CCDC152: variants seen among roughly 807,000 people sequenced by gnomAD.
CCDC152 encodes the protein coiled-coil domain containing 152.
In CCDC152, 37 loss-of-function variants were observed where a neutral mutation model predicts 38.1. The ratio of observed to expected loss-of-function variants is 0.97; its 90% CI spans 0.75 to 1.28. The LOEUF is 1.28. Among genes scored for constraint, CCDC152 ranks in the 50% most tolerant of loss-of-function variants. The probability of loss-of-function intolerance (pLI) is 0.00; values close to 1 mark genes in which losing one functional copy is unlikely to be tolerated. For synonymous variants in CCDC152, 83 were observed against 87.1 expected (o/e 0.95, Z 0.26); for missense variants, 259 against 292.1 (o/e 0.89, Z 0.83).
chr5:42,788,225 T>C (rs939873959), intron 6 of CCDC152, among the ~76,000 whole-genome samples: 10 of 151,978 alleles, frequency 6.6e-5, no homozygotes, highest in Non-Finnish European at 1.5e-4. Context: ...ATGGCATTTT[T>C]TTTTTTCTTT....
At chr5:42,772,447 C>G (rs138840608) in intron 4 of CCDC152, among the ~76,000 whole-genome samples, 2,979 of 152,056 alleles carry the variant, frequency 0.02, 34 homozygotes, top group Middle Eastern at 0.061. Context: ...CGCCTGTAAT[C>G]CATATCCTGG....
At chr5:42,778,255 C>T (rs1759793887) in intron 4 of CCDC152, among the ~76,000 whole-genome samples, 1 of 152,138 alleles carries the variant, frequency 6.6e-6, no homozygotes, top group Non-Finnish European at 1.5e-5. Context: ...CATATATTTG[C>T]TACAACCACC....
At chr5:42,795,227 G>T (rs912638551) in intron 6 of CCDC152, among the ~76,000 whole-genome samples, 1 of 152,140 alleles carries the variant, frequency 6.6e-6, no homozygotes, top group African/African-American at 2.4e-5. Flanking sequence ...CATGCAAATA[G>T]TAGCCAACAT....
intron 3 of CCDC152, among the ~76,000 whole-genome samples, chr5:42,767,581 A>C (rs921033641): frequency 1.3e-5 from 2 of 152,174 alleles, no homozygotes; most frequent in African/African-American, 2.4e-5. Flanking sequence ...ACAACAACAA[A>C]CAGTGTGGAT....
intron 6 of CCDC152, among the ~76,000 whole-genome samples, chr5:42,795,439 T>G (rs537165986): frequency 9.8e-5 from 15 of 152,330 alleles, no homozygotes; most frequent in African/African-American, 3.6e-4. Context: ...TGAGAGACTT[T>G]AATTCACCTT....
Position 42,799,692 on chromosome 5 carries a change from G to A in CCDC152, c.676G>A (p.Glu226Lys). ...LQHFQEEKNK[E>K]IAILRNTIRD... ...GCATTTTCAAGAAGAAAAAAACAAG[G>A]AGATTGCAATTCTTCGTAATACCAT... is the stretch of plus-strand genomic sequence containing the variant. Residue 226 changes from glutamate (E) to lysine (K), a missense_variant, in exon 9 of 9, where the codon GAG (glutamate) becomes AAG (lysine). By Grantham distance (56) the Glu-to-Lys change is moderately conservative. Transcript: ENST00000361970. The A allele has an allele frequency of 6.5e-7, 1 of 1,548,206 alleles. No individual in the cohort carries two copies. The highest frequency in any genetic ancestry group is 1.7e-4 in the Middle Eastern group (1 of 5,980).
chr5:42,791,187 T>G (rs1759995387), intron 6 of CCDC152, among the ~76,000 whole-genome samples: 1 of 152,200 alleles, frequency 6.6e-6, no homozygotes, highest in African/African-American at 2.4e-5. Context: ...ATTTTTTATT[T>G]TTTTAAATTG....
At position 42,759,128 on chromosome 5, in the gene CCDC152, C is replaced by A. The variant is rs201689715; in HGVS notation, c.7C>A (p.Gln3Lys). 453 of 1,548,410 alleles carry A rather than the reference C, an allele frequency of 2.9e-4. 1 individual carries two copies. The highest frequency in any genetic ancestry group is 3.7e-4 in the Non-Finnish European group (423 of 1,144,534). MD[Q>K]SSEGCMKKIS... ...CTGTTTACTACTTTCAGGCATGGAC[C>A]AAAGCAGTGAAGGATGTATGAAAAA... The change falls in exon 2 of 9, where the codon CAA becomes AAA. Residue 3 changes from glutamine to lysine, a missense_variant. Transcript: ENST00000361970.
At position 42,800,753 on chromosome 5, in the gene CCDC152, A is replaced by T. The variant is rs1465175216; in HGVS notation, c.*972A>T. ...AAGGTCATTCTCACTTTTTTGCCTG[A>T]TTCTTTCAGCGTCAACTGGCACTGG... On this transcript the variant is annotated 3_prime_UTR_variant, in exon 9 of 9. Coordinates refer to ENST00000361970, the MANE Select transcript of CCDC152 (RefSeq NM_001134848.2). 9 of 1,606,918 alleles carry T rather than the reference A, an allele frequency of 5.6e-6. No individual in the cohort carries two copies. The highest frequency in any genetic ancestry group is 3.4e-5 in the Admixed American group (2 of 59,240).
At position 42,762,538 on chromosome 5, in the gene CCDC152, CATT is replaced by C; in HGVS notation, c.185_187del (p.Ile62del). On this transcript the variant is annotated inframe_deletion, in exon 3 of 9. Transcript: ENST00000361970. Reference sequence around the variant, plus strand: ...AAGTAATGCAAGCAAAGGAGGTCTCCATTAAAGAAGGTTAGTTATTTGCTGCCT... The same window carrying C: ...AAGTAATGCAAGCAAAGGAGGTCTCCAAAGAAGGTTAGTTATTTGCTGCCT... 1 of 1,510,964 alleles carries C rather than the reference CATT, an allele frequency of 6.6e-7. No homozygotes were observed. Among genetic ancestry groups the C allele is most frequent in the Non-Finnish European group, 9.0e-7 (1 of 1,111,434 alleles). 93.6% of individuals were successfully genotyped at this position (1,510,964 alleles called of 1,614,324 possible).
At position 42,801,585 on chromosome 5, in the gene CCDC152, G is replaced by A; in HGVS notation, c.*1804G>A. On this transcript the variant is annotated 3_prime_UTR_variant, in exon 9 of 9. Coordinates refer to ENST00000361970, the MANE Select transcript of CCDC152 (RefSeq NM_001134848.2). ...TGAAGTAAACTGGCAAAAGGAACTT[G>A]GATTGCAGGAAAGTCAAAGTAATAT... The A allele has an allele frequency of 4.4e-6, 2 of 453,058 alleles. No individual in the cohort carries two copies. Among genetic ancestry groups the A allele is most frequent in the Non-Finnish European group, 3.8e-6 (1 of 260,788 alleles). The allele number at this position is 453,058 out of a possible 1,614,324, so 28.1% of individuals were successfully genotyped here.
intron 3 of CCDC152, among the ~76,000 whole-genome samples, chr5:42,765,865 G>C (rs1579706542): frequency 6.6e-6 from 1 of 152,218 alleles, no homozygotes; most frequent in East Asian, 1.9e-4. Context: ...AAGATTTATT[G>C]AGCAATAACC....
At chr5:42,768,995 C>A (rs554816486) in intron 3 of CCDC152, among the ~76,000 whole-genome samples, 27 of 152,114 alleles carry the variant, frequency 1.8e-4, no homozygotes, top group African/African-American at 6.0e-4. Flanking sequence ...TTTTAGGAGA[C>A]CAAGGGGGGT....
intron 3 of CCDC152, among the ~76,000 whole-genome samples, chr5:42,765,655 C>T (rs1041174107): frequency 6.6e-6 from 1 of 152,114 alleles, no homozygotes; most frequent in Non-Finnish European, 1.5e-5. Context: ...CAAGAACATA[C>T]ACTGGGGAAA....
intron 5 of CCDC152, among the ~76,000 whole-genome samples, chr5:42,782,318 T>C (rs913099353): frequency 9.2e-5 from 14 of 152,240 alleles, no homozygotes; most frequent in Non-Finnish European, 1.8e-4. Flanking sequence ...ATATTGAACA[T>C]ACCTTAATTC....
intron 6 of CCDC152, among the ~76,000 whole-genome samples, chr5:42,796,585 G>A (rs1466240855): frequency 1.3e-5 from 2 of 152,072 alleles, no homozygotes; most frequent in East Asian, 3.9e-4. Context: ...GGCCTTTGAT[G>A]TTTAATAGTT....
At position 42,799,682 on chromosome 5, in the gene CCDC152, A is replaced by G; in HGVS notation, c.666A>G (p.Glu222=). 2 of 1,546,696 alleles carry G rather than the reference A, an allele frequency of 1.3e-6. No individual in the cohort carries two copies. The highest frequency in any genetic ancestry group is 1.7e-6 in the Non-Finnish European group (2 of 1,145,242). ...AGAAACTTCAGCATTTTCAAGAAGA[A>G]AAAAACAAGGAGATTGCAATTCTTC... ...YRRKLQHFQE[E]KNKEIAILRN... The change falls in exon 9 of 9, where the codon GAA becomes GAG. Residue 222 remains glutamate, a synonymous_variant. Coordinates refer to ENST00000361970, the MANE Select transcript of CCDC152 (RefSeq NM_001134848.2).
chr5:42,781,961 T>C (rs779115966), intron 5 of CCDC152, among the ~76,000 whole-genome samples: 4 of 152,186 alleles, frequency 2.6e-5, no homozygotes, highest in Non-Finnish European at 5.9e-5. Flanking sequence ...GTTGTAAAAT[T>C]TATCTTCACA....
Position 42,783,852 on chromosome 5 carries a change from TTC to T in CCDC152, c.430+278_430+279del, listed in dbSNP as rs538474271. Among the ~76,000 whole-genome samples the T allele has an allele frequency of 2.6e-4, 40 of 152,190 alleles. No homozygotes were observed. In the South Asian group the frequency reaches 8.1e-3, roughly 31 times the overall value. The stretch of plus-strand genomic sequence containing the variant: ...AAGTGAGTACATGCAGTATTTGACT[TTC>T]TGTTTCTCAGTTAGTTCACTTAGAA... On this transcript the variant is annotated intron_variant, in intron 6 of 8. Coordinates refer to ENST00000361970, the MANE Select transcript of CCDC152 (RefSeq NM_001134848.2).
Sources: allele counts gnomAD v4.1 joint callset (sites outside exome capture counted in the v4.1 genomes callset), GRCh38; gene constraint gnomAD v4.1.1; transcripts MANE v1.5; gene names NCBI Gene and HGNC (gene_info 2026-07-23, HGNC 2026-07-21).